ITGAL: variants seen among roughly 807,000 people sequenced by gnomAD.
ITGAL encodes the protein integrin alpha-L.
ITGAL carries 68 observed loss-of-function variants against 138.4 expected under a neutral mutation model. The ratio of observed to expected loss-of-function variants is 0.49; its 90% CI spans 0.40 to 0.60. ITGAL has a LOEUF of 0.60. Ranked by LOEUF, ITGAL falls within the 20% of genes least tolerant of loss-of-function variation. The pLI is 0.00. For synonymous variants in ITGAL, 561 were observed against 584.3 expected (o/e 0.96, Z 0.57); for missense variants, 1,256 against 1,478.6 (o/e 0.85, Z 2.47).
intron 4 of ITGAL, among the ~76,000 whole-genome samples, chr16:30,477,668 C>T (rs1350361824): frequency 1.3e-5 from 2 of 150,194 alleles, no homozygotes; most frequent in Admixed American, 6.6e-5. Context: ...ACAGGTGGAT[C>T]GCTTGAGCCT....
At chr16:30,501,522 A>G in intron 17 of ITGAL, among the ~76,000 whole-genome samples, 1 of 151,014 alleles carries the variant, frequency 6.6e-6, no homozygotes, top group East Asian at 2.0e-4. Flanking sequence ...GGTTGCAGTG[A>G]GCCGAGATCG....
intron 24 of ITGAL, among the ~76,000 whole-genome samples, chr16:30,513,406 C>G (rs1386845749): frequency 1.3e-5 from 2 of 152,134 alleles, no homozygotes; most frequent in African/African-American, 4.8e-5. Flanking sequence ...GGGAAGGTCA[C>G]CCAGCAGTGT....
chr16:30,505,987 C>A (rs990130034), intron 20 of ITGAL, among the ~76,000 whole-genome samples: 4 of 152,232 alleles, frequency 2.6e-5, no homozygotes, highest in Non-Finnish European at 4.4e-5. Flanking sequence ...TGGCCTGGCG[C>A]GGTGGCTCAC....
intron 28 of ITGAL, 47 bp downstream of exon 28, chr16:30,517,942 T>G: frequency 7.4e-6 from 11 of 1,489,798 alleles, no homozygotes; most frequent in Non-Finnish European, 1.0e-5. Flanking sequence ...GGGGCCCCAA[T>G]GCCTGGGGCC....
In ITGAL at chr16:30,521,853, C is replaced by A. The variant is rs1432931651; in HGVS notation, c.*188C>A. 8 of 595,586 alleles carry A rather than the reference C, an allele frequency of 1.3e-5. No individual in the cohort carries two copies. Among genetic ancestry groups the A allele is most frequent in the Non-Finnish European group, 2.3e-5 (8 of 345,170 alleles). The allele number at this position is 595,586 out of a possible 1,614,324, so 36.9% of individuals were successfully genotyped here. The stretch of plus-strand genomic sequence containing the variant: ...TTTGCAGGCTCATAGGGAAGACCTG[C>A]TGAGGGACCAGCCAAGAGGGCTGCA... On this transcript the variant is annotated 3_prime_UTR_variant, in exon 31 of 31. Coordinates refer to ENST00000356798, the MANE Select transcript of ITGAL (RefSeq NM_002209.3).
In ITGAL at chr16:30,489,926, A is replaced by G. The variant is rs529200859; in HGVS notation, c.1213+540A>G. Among the ~76,000 whole-genome samples, 18 of 146,636 alleles carry G rather than the reference A, an allele frequency of 1.2e-4. No homozygotes were observed. The South Asian group carries it at 3.9e-3, about 32-fold the overall frequency. ...GCACCAGTCTGGGCAAAAGAGCAAG[A>G]CTCTGTCTCAACAAACAGGGCCGAG... On this transcript the variant is annotated intron_variant, in intron 11 of 30. Transcript: ENST00000356798.
intron 25 of ITGAL, among the ~76,000 whole-genome samples, chr16:30,514,524 C>T (rs970381178): frequency 8.6e-5 from 7 of 81,358 alleles, no homozygotes; most frequent in Non-Finnish European, 1.2e-4. Context: ...ATCTTCCCCC[C>T]TCGTGGCCTC....
chr16:30,474,431 G>C lies in ITGAL; in HGVS notation c.164+133G>C. The C allele has an allele frequency of 1.1e-5, 7 of 637,728 alleles. No homozygotes were observed. The South Asian group carries it at 1.3e-4, about 12-fold the overall frequency. The allele number at this position is 637,728 out of a possible 1,614,324, so 39.5% of individuals were successfully genotyped here. ...GCTCTCCAGGGGTTCCCGTCTGGAG[G>C]AGCCTGTGGTGGGAATCCTCAGAGA... is the stretch of plus-strand genomic sequence containing the variant. On this transcript the variant is annotated intron_variant, in intron 2 of 30. Coordinates refer to ENST00000356798, the MANE Select transcript of ITGAL (RefSeq NM_002209.3).
At chr16:30,512,867 A>T (rs1247961687) in intron 24 of ITGAL, among the ~76,000 whole-genome samples, 1 of 151,854 alleles carries the variant, frequency 6.6e-6, no homozygotes, top group Non-Finnish European at 1.5e-5. Context: ...TGCCCAGCTA[A>T]TTTTTGTATT....
chr16:30,493,277 T>TTTTATTTTATTTTATTTTA (rs1555506372), intron 11 of ITGAL, among the ~76,000 whole-genome samples: 11 of 149,516 alleles, frequency 7.4e-5, no homozygotes, highest in Non-Finnish European at 1.3e-4. Flanking sequence ...TTTTATTTTA[T>TTTTATTTTATTTTATTTTA]TTTATTTATT....
chr16:30,494,786 T>C lies in ITGAL; in HGVS notation c.1439T>C (p.Ile480Thr). ...GATGGGGAGACAGAGCTGCTGCTGA[T>C]TGGTGCCCCACTGTTCTATGGGGAG... ...DQDGETELLL[I>T]GAPLFYGEQR... Residue 480 changes from isoleucine (I) to threonine (T), a missense_variant, in exon 13 of 31, where the codon ATT becomes ACT. This residue lies in a region of ITGAL where 867 missense variants were observed against 972.5 expected (regional missense o/e 0.89). Coordinates refer to ENST00000356798, the MANE Select transcript of ITGAL (RefSeq NM_002209.3). The surrounding 1 kb of genome is among the most constrained non-coding windows in gnomAD (Gnocchi z 4.2). 6.2e-7 allele frequency: 1 copy of C among 1,613,428 alleles called. No individual in the cohort carries two copies. The highest frequency in any genetic ancestry group is 1.1e-5 in the South Asian group (1 of 91,028).
rs1055391256 is a variant in ITGAL, at chr16:30,507,724, C to T, written c.2508+868C>T. Among the ~76,000 whole-genome samples, 7 of 151,816 alleles carry T rather than the reference C, an allele frequency of 4.6e-5. No homozygotes were observed. In the East Asian group the frequency reaches 1.2e-3, roughly 25 times the overall value. Reference sequence around the variant, plus strand: ...CTAGTCTCAAACTTCTGAGCTCAAGCGATCTGCCTACCTCAGCCTCCCAAA... The same window carrying T: ...CTAGTCTCAAACTTCTGAGCTCAAGTGATCTGCCTACCTCAGCCTCCCAAA... On this transcript the variant is annotated intron_variant, in intron 21 of 30. Transcript: ENST00000356798.
In ITGAL at chr16:30,513,836, A is replaced by G; in HGVS notation, c.2852A>G (p.His951Arg). The G allele has an allele frequency of 6.2e-7, 1 of 1,609,808 alleles. No individual in the cohort carries two copies. ...PKGPKIHQVK[H>R]MYQVRIQPSI... ...GGCCCCAAGATCCACCAAGTCAAGCACATGTACCAGGTATGAATCCCAATG... is the reference window on the plus strand; with the variant it reads ...GGCCCCAAGATCCACCAAGTCAAGCGCATGTACCAGGTATGAATCCCAATG... Residue 951 changes from histidine to arginine, a missense_variant, in exon 25 of 31, where the codon CAC becomes CGC. Physicochemically the swap from His to Arg is conservative, Grantham distance 29 (BLOSUM62 0). Coordinates refer to ENST00000356798, the MANE Select transcript of ITGAL (RefSeq NM_002209.3).
chr16:30,517,551 C>T, intron 26 of ITGAL, 98 bp from the exon 27 acceptor site: 1 of 975,224 alleles, frequency 1.0e-6, no homozygotes, highest in South Asian at 1.3e-5. Context: ...GATGTCTGAA[C>T]TCACCCAGGG....
rs146503893 is a variant in ITGAL, at chr16:30,483,773, G to T, written c.723-54G>T. On this transcript the variant is annotated intron_variant, in intron 7 of 30. Coordinates refer to ENST00000356798, the MANE Select transcript of ITGAL (RefSeq NM_002209.3). ...GACTTGATGAGCAGGTGGGGAAAGA[G>T]ACCTCAGGCCCTAGTTTGGGGGAGT... 78 of 1,552,314 alleles carry T rather than the reference G, an allele frequency of 5.0e-5. No homozygotes were observed. The East Asian group carries it at 1.6e-3, about 32-fold the overall frequency.
chr16:30,493,245 C>CGTTTTATTTTATTTT (rs1555506359), intron 11 of ITGAL, among the ~76,000 whole-genome samples: 1 of 139,792 alleles, frequency 7.2e-6, no homozygotes, highest in Non-Finnish European at 1.5e-5. Context: ...TAATATATAC[C>CGTTTTATTTTATTTT]ATTTTATTTT....
At chr16:30,503,689 G>A (rs2050940783) in intron 17 of ITGAL, among the ~76,000 whole-genome samples, 1 of 151,996 alleles carries the variant, frequency 6.6e-6, no homozygotes, top group Non-Finnish European at 1.5e-5. Context: ...AAATGTTGGG[G>A]TAATAATACC....
In ITGAL at chr16:30,505,287, C is replaced by T. The variant is rs747400560; in HGVS notation, c.2279C>T (p.Ser760Leu). The change falls in exon 19 of 31, where the codon TCG (serine) becomes TTG (leucine). Residue 760 changes from serine to leucine, a missense_variant. By Grantham distance (145) the Ser-to-Leu change is moderately radical (BLOSUM62 -2). Coordinates refer to ENST00000356798, the MANE Select transcript of ITGAL (RefSeq NM_002209.3). ...CCCATCCTGAGACCCTCCCTGCACT[C>T]GGAAACCTGGGAGGTAAGAGGGGAG... ...IPPILRPSLH[S>L]ETWEIPFEKN... The T allele has an allele frequency of 1.7e-5, 27 of 1,612,542 alleles. No individual in the cohort carries two copies. In the Admixed American group the frequency reaches 2.0e-4, roughly 12 times the overall value.
At chr16:30,488,849 C>G (rs2050683838) in intron 9 of ITGAL, 2 of 513,752 alleles carry the variant, frequency 3.9e-6, no homozygotes, top group Non-Finnish European at 7.1e-6. Context: ...TGCACTCCAA[C>G]CTGGGCAACA....
Sources: gnomAD v4.1 joint callset for allele counts (sites outside exome capture counted in the v4.1 genomes callset) on GRCh38, gnomAD v4.1.1 for gene constraint, gnomAD v4.1.1 regional missense constraint, Gnocchi (gnomAD v3.1) non-coding constraint, MANE v1.5 for transcripts, NCBI Gene and HGNC (gene_info 2026-07-23, HGNC 2026-07-21) for gene names.